Variants in EPHX4 observed in about 807,000 individuals in gnomAD.
The protein encoded by EPHX4 is epoxide hydrolase 4.
Under a neutral mutation model 44.9 loss-of-function variants are expected in EPHX4, and 31 were observed. That is an observed-to-expected ratio of 0.69 (90% confidence interval 0.52 to 0.93). The LOEUF (loss-of-function observed/expected upper bound fraction) is 0.93, where lower values mean the gene tolerates loss of function less well. Ranked by LOEUF, EPHX4 falls within the 40% of genes least tolerant of loss-of-function variation. The probability of loss-of-function intolerance (pLI) is 0.00; values close to 1 mark genes in which losing one functional copy is unlikely to be tolerated. For synonymous variants in EPHX4, 151 were observed against 159.7 expected (o/e 0.95, Z 0.41); for missense variants, 373 against 438.1 (o/e 0.85, Z 1.33).
At chr1:92,051,260 A>C (rs202000446) in intron 5 of EPHX4, among the ~76,000 whole-genome samples, 2 of 151,542 alleles carry the variant, frequency 1.3e-5, no homozygotes, top group African/African-American at 2.4e-5. Context: ...AAAAAAAAAA[A>C]CCCAATGCCA....
intron 6 of EPHX4, among the ~76,000 whole-genome samples, chr1:92,057,256 A>T (rs1418787846): frequency 6.6e-6 from 1 of 152,110 alleles, no homozygotes; most frequent in African/African-American, 2.4e-5. Context: ...AAAACTGATT[A>T]TATGAAGACT....
intron 3 of EPHX4, 37 bp downstream of exon 3, chr1:92,043,017 G>C (rs756636740): frequency 6.7e-7 from 1 of 1,491,752 alleles, no homozygotes; most frequent in Non-Finnish European, 9.1e-7. Context: ...CTTTTTAAGG[G>C]ACAAACATTC....
chr1:92,031,547 G>A (rs573084859), intron 1 of EPHX4, among the ~76,000 whole-genome samples: 1 of 152,298 alleles, frequency 6.6e-6, no homozygotes, highest in East Asian at 1.9e-4. Context: ...TCTGGTCACA[G>A]CCCTGCTCTC....
chr1:92,052,579 G>C lies in EPHX4; in HGVS notation c.778G>C (p.Asp260His), dbSNP rs775901841. 1 of 1,612,842 alleles carries C rather than the reference G, an allele frequency of 6.2e-7. No individual in the cohort carries two copies. The highest frequency in any genetic ancestry group is 1.7e-5 in the Admixed American group (1 of 59,854). Residue 260 changes from aspartate to histidine, a missense_variant, in exon 6 of 7, where the codon GAT becomes CAT. Transcript: ENST00000370383. ...AAAAGGATGCCAATTAACAACAGAG[G>C]ATCTTGAAGCTTATATTTATGTCTT... is the stretch of plus-strand genomic sequence containing the variant. ...GRKGCQLTTE[D>H]LEAYIYVFSQ...
Position 92,030,087 on chromosome 1 carries a change from G to A in EPHX4, c.8G>A (p.Arg3Lys). Residue 3 changes from arginine (R) to lysine (K), a missense_variant, in exon 1 of 7, where the codon AGG becomes AAG. Transcript: ENST00000370383. The part of the protein sequence containing the change: MA[R>K]LRDCLPRLML... ...CCCCGCCGCCGCCTCCCAATGGCGA[G>A]GCTGCGGGATTGCCTGCCCCGCCTG... The A allele has an allele frequency of 6.3e-7, 1 of 1,597,454 alleles. No homozygotes were observed. The highest frequency in any genetic ancestry group is 1.1e-5 in the South Asian group (1 of 89,004).
At chr1:92,058,703 A>C in intron 6 of EPHX4, among the ~76,000 whole-genome samples, 1 of 152,216 alleles carries the variant, frequency 6.6e-6, no homozygotes, top group Middle Eastern at 3.4e-3. Context: ...ATAATAAAAC[A>C]TCAAGGGTGT....
At chr1:92,061,608 A>G (rs940615231) in intron 6 of EPHX4, among the ~76,000 whole-genome samples, 1 of 152,236 alleles carries the variant, frequency 6.6e-6, no homozygotes, top group Non-Finnish European at 1.5e-5. Context: ...ATTATAGCAT[A>G]ATTTAAAACA....
In EPHX4 at chr1:92,030,322, C is replaced by T; in HGVS notation, c.231+12C>T. ...ACGTGCGGATCAAGGTGAAGGGCCG[C>T]GCGGGCCTGGCGGGAGCGGGAGGGA... On this transcript the variant is annotated intron_variant, in intron 1 of 6. Transcript: ENST00000370383. 1 of 1,517,472 alleles carries T rather than the reference C, an allele frequency of 6.6e-7. No homozygotes were observed. Among genetic ancestry groups the T allele is most frequent in the South Asian group, 1.3e-5 (1 of 79,772 alleles). 94.0% of individuals were successfully genotyped at this position (1,517,472 alleles called of 1,614,324 possible).
At chr1:92,059,273 T>C (rs1043265648) in intron 6 of EPHX4, among the ~76,000 whole-genome samples, 1 of 152,014 alleles carries the variant, frequency 6.6e-6, no homozygotes, top group African/African-American at 2.4e-5. Context: ...CAGTCTCTAC[T>C]AAAAATACAA....
At chr1:92,045,709 T>C (rs1341762882) in intron 4 of EPHX4, 49 bp downstream of exon 4, 1 of 1,606,508 alleles carries the variant, frequency 6.2e-7, no homozygotes, top group South Asian at 1.1e-5. Flanking sequence ...GACAATTCAC[T>C]CTTGCCACTG....
intron 4 of EPHX4, among the ~76,000 whole-genome samples, chr1:92,049,352 T>C (rs1192898878): frequency 1.3e-5 from 2 of 152,248 alleles, no homozygotes; most frequent in East Asian, 3.9e-4. Flanking sequence ...TTCTACTATG[T>C]AGCAGTCCCT....
intron 1 of EPHX4, 121 bp downstream of exon 1, chr1:92,030,431 G>A: frequency 1.2e-6 from 1 of 855,514 alleles, no homozygotes; most frequent in Non-Finnish European, 1.7e-6. Context: ...TGGCAGGAGG[G>A]GAGGAGGGGT....
intron 6 of EPHX4, among the ~76,000 whole-genome samples, chr1:92,054,252 T>C (rs1192361168): frequency 1.3e-5 from 2 of 152,132 alleles, no homozygotes; most frequent in African/African-American, 4.8e-5. Context: ...AATTCAGGCC[T>C]CACAATATTC....
At chr1:92,054,415 C>G (rs147015378) in intron 6 of EPHX4, among the ~76,000 whole-genome samples, 136 of 151,968 alleles carry the variant, frequency 8.9e-4, no homozygotes, top group African/African-American at 3.1e-3. Flanking sequence ...ATGGCGAAAC[C>G]CTGTCTCTAC....
chr1:92,030,416 T>G, intron 1 of EPHX4, 106 bp downstream of exon 1: 1 of 1,022,516 alleles, frequency 9.8e-7, no homozygotes, highest in Non-Finnish European at 1.4e-6. Flanking sequence ...CGTCCCCTAG[T>G]GTCCTGGCAG....
chr1:92,049,831 G>A (rs1163083017), intron 4 of EPHX4, among the ~76,000 whole-genome samples: 1 of 152,134 alleles, frequency 6.6e-6, no homozygotes. Flanking sequence ...AGGCGTGGTG[G>A]CTCATGCCTG....
chr1:92,045,434 GAA>G (rs943627649), intron 3 of EPHX4, 96 bp from the exon 4 acceptor site: 1 of 1,437,896 alleles, frequency 7.0e-7, no homozygotes. Flanking sequence ...ATAAGATAAT[GAA>G]AAGAGGTACT....
rs1490746907 is a variant in EPHX4, at chr1:92,063,041, T to G, written c.858-14T>G. 6.2e-7 allele frequency: 1 copy of G among 1,600,094 alleles called. No homozygotes were observed. Among genetic ancestry groups the G allele is most frequent in the Non-Finnish European group, 8.5e-7 (1 of 1,170,594 alleles). ...TGACAGTGAATCTCAAGCCCATGTA[T>G]TTTGTTTTTATAGCTGCCTGCCTCT... On this transcript the variant is annotated splice_polypyrimidine_tract_variant and intron_variant, in intron 6 of 6. Coordinates refer to ENST00000370383, the MANE Select transcript of EPHX4 (RefSeq NM_173567.5).
At chr1:92,045,420 T>C in intron 3 of EPHX4, 112 bp from the exon 4 acceptor site, 1 of 1,341,000 alleles carries the variant, frequency 7.5e-7, no homozygotes. Context: ...AGTGCATAAT[T>C]AGGATAAGAT....
Sources: gnomAD v4.1 joint callset for allele counts (sites outside exome capture counted in the v4.1 genomes callset) on GRCh38, gnomAD v4.1.1 for gene constraint, MANE v1.5 for transcripts, NCBI Gene and HGNC (gene_info 2026-07-23, HGNC 2026-07-21) for gene names.